The following ANO6 variants were observed in gnomAD, a reference collection of about 807,000 sequenced individuals.
ANO6 encodes the protein anoctamin 6.
In ANO6, 106 loss-of-function variants were observed where a neutral mutation model predicts 117.5. The observed-to-expected ratio is 0.90, with a 90% CI of 0.77 to 1.06. The LOEUF (loss-of-function observed/expected upper bound fraction) is 1.06. Ranked by LOEUF, ANO6 falls within the 50% of genes least tolerant of loss-of-function variation. ANO6 has a pLI of 0.00. For synonymous variants in ANO6, 367 were observed against 385.1 expected (o/e 0.95, Z 0.55); for missense variants, 955 against 1,121.1 (o/e 0.85, Z 2.12).
intron 2 of ANO6, among the ~76,000 whole-genome samples, chr12:45,317,113 G>GTGTGTGTATATATATATAAATATA: frequency 1.5e-5 from 1 of 66,448 alleles, no homozygotes; most frequent in African/African-American, 4.1e-5. Flanking sequence ...CTTTTTATAT[G>GTGTGTGTATATATATATAAATATA]TATATATATA....
chr12:45,310,863 C>G (rs1939826696), intron 2 of ANO6, among the ~76,000 whole-genome samples: 1 of 151,696 alleles, frequency 6.6e-6, no homozygotes, highest in Non-Finnish European at 1.5e-5. Flanking sequence ...GGCTAAATTC[C>G]CATAAATGGA....
intron 1 of ANO6, among the ~76,000 whole-genome samples, chr12:45,234,087 T>G (rs1947612282): frequency 6.6e-6 from 1 of 152,232 alleles, no homozygotes; most frequent in African/African-American, 2.4e-5. Context: ...GCTTTTGGTC[T>G]TAGTTATTTT....
At chr12:45,367,013 AC>A (rs1380861174) in intron 8 of ANO6, among the ~76,000 whole-genome samples, 1 of 151,954 alleles carries the variant, frequency 6.6e-6, no homozygotes, top group Non-Finnish European at 1.5e-5. Context: ...ACAGAGTCTC[AC>A]TCTGTCACCC....
chr12:45,350,797 C>T (rs1196555795), intron 7 of ANO6, 23 bp downstream of exon 7: 1 of 1,583,916 alleles, frequency 6.3e-7, no homozygotes, highest in Non-Finnish European at 8.7e-7. Context: ...AGGGAGTACT[C>T]CAGGGGGAGG....
chr12:45,244,255 G>A (rs1184237169), intron 1 of ANO6, among the ~76,000 whole-genome samples: 1 of 152,140 alleles, frequency 6.6e-6, no homozygotes, highest in Non-Finnish European at 1.5e-5. Flanking sequence ...TTATAGGAGA[G>A]TATCTGTTAG....
rs1942803033 is a variant in ANO6 at position 45,401,987 on chromosome 12, T to A, written c.1579T>A (p.Tyr527Asn). The change falls in exon 13 of 20, where the codon TAT (tyrosine) becomes AAT (asparagine). Residue 527 changes from tyrosine to asparagine, a missense_variant. Tyr to Asn is a moderately radical substitution (Grantham distance 143, BLOSUM62 -2). Transcript: ENST00000320560. The part of the protein sequence containing the change: ...FIIIMILNTI[Y>N]EKVAIMITNF... ...AATTATCATGATTCTGAACACCATA[T>A]ATGAAAAAGTGGCAATTATGATTAC... is the stretch of plus-strand genomic sequence containing the variant. 6 of 1,613,882 alleles carry A rather than the reference T, an allele frequency of 3.7e-6. No homozygotes were observed. Among genetic ancestry groups the A allele is most frequent in the Admixed American group, 3.3e-5 (2 of 59,996 alleles).
intron 1 of ANO6, among the ~76,000 whole-genome samples, chr12:45,298,316 A>G (rs1244508355): frequency 1.3e-5 from 2 of 152,244 alleles, no homozygotes; most frequent in Non-Finnish European, 2.9e-5. Context: ...TAAGAAAAAC[A>G]TGATTTATAT....
rs1459787123 is a variant in ANO6 at position 45,350,705 on chromosome 12, G to A, written c.794G>A (p.Arg265Gln). The A allele has an allele frequency of 3.7e-6, 6 of 1,613,724 alleles. No homozygotes were observed. The highest frequency in any genetic ancestry group is 2.2e-5 in the South Asian group (2 of 91,072). Residue 265 changes from arginine (R) to glutamine (Q), a missense_variant, in exon 7 of 20, where the codon CGG becomes CAG. Transcript: ENST00000320560. ...QSEDPSCPNE[R>Q]YLLYREWAHP... Reference sequence around the variant, plus strand: ...GAGGATCCCAGCTGCCCTAATGAACGGTACCTTCTGTACAGAGAATGGGCT... The same window carrying A: ...GAGGATCCCAGCTGCCCTAATGAACAGTACCTTCTGTACAGAGAATGGGCT...
At chr12:45,308,724 T>G (rs1356143440) in intron 2 of ANO6, among the ~76,000 whole-genome samples, 1 of 152,118 alleles carries the variant, frequency 6.6e-6, no homozygotes, top group Non-Finnish European at 1.5e-5. Flanking sequence ...GTTTTAGGAT[T>G]TCTGGGCTGT....
At chr12:45,413,224 G>A (rs1169169752) in intron 16 of ANO6, among the ~76,000 whole-genome samples, 1 of 152,174 alleles carries the variant, frequency 6.6e-6, no homozygotes, top group Non-Finnish European at 1.5e-5. Context: ...TGATTTAGGA[G>A]GCTACAGCAG....
chr12:45,255,819 T>G (rs374022653), intron 1 of ANO6, among the ~76,000 whole-genome samples: 16 of 4,196 alleles, frequency 3.8e-3, no homozygotes, highest in African/African-American at 4.8e-3. Context: ...TCCCTGGGTG[T>G]TTTTTTTTTT....
At chr12:45,356,253 A>G (rs1215574837) in intron 7 of ANO6, among the ~76,000 whole-genome samples, 2 of 152,168 alleles carry the variant, frequency 1.3e-5, no homozygotes, top group Non-Finnish European at 2.9e-5. Flanking sequence ...CCTCAATCAT[A>G]TGCATCCTTC....
chr12:45,346,975 C>T, intron 3 of ANO6, 47 bp from the exon 4 acceptor site: 1 of 1,589,854 alleles, frequency 6.3e-7, no homozygotes, highest in Non-Finnish European at 8.6e-7. Context: ...CTTTTTCTGC[C>T]TTTGGTAAAC....
At position 45,439,251 on chromosome 12, in the gene ANO6, C is replaced by A. The variant is rs1283717156; in HGVS notation, c.2527-424C>A. On this transcript the variant is annotated intron_variant, in intron 19 of 19. Coordinates refer to the ANO6 transcript ENST00000425752. Reference sequence around the variant, plus strand: ...AGTTACAGTAGCCTACTAGAGTGGGCTGATGCCAGCGCTTAATCACAGGTC... The same window carrying A: ...AGTTACAGTAGCCTACTAGAGTGGGATGATGCCAGCGCTTAATCACAGGTC... Among the ~76,000 whole-genome samples the A allele has an allele frequency of 3.3e-5, 5 of 152,148 alleles. 1 individual carries two copies. Among genetic ancestry groups the A allele is most frequent in the Non-Finnish European group, 7.3e-5 (5 of 68,042 alleles).
At chr12:45,357,225 A>G (rs1411619996) in intron 7 of ANO6, 65 bp from the exon 8 acceptor site, 3 of 1,558,182 alleles carry the variant, frequency 1.9e-6, no homozygotes, top group African/African-American at 2.7e-5. Context: ...TCAGAAATTA[A>G]TATTAGGATG....
At chr12:45,301,077 G>C (rs942021548) in intron 1 of ANO6, among the ~76,000 whole-genome samples, 14 of 152,182 alleles carry the variant, frequency 9.2e-5, no homozygotes, top group African/African-American at 3.1e-4. Context: ...AGTCTGAACT[G>C]AGATGCACTG....
At chr12:45,312,986 A>G (rs1305703950) in intron 2 of ANO6, among the ~76,000 whole-genome samples, 1 of 152,114 alleles carries the variant, frequency 6.6e-6, no homozygotes, top group South Asian at 2.1e-4. Context: ...TCCTTAAAAT[A>G]AAAACAAATA....
At chr12:45,419,545 G>A (rs1386742243) in intron 17 of ANO6, among the ~76,000 whole-genome samples, 1 of 152,140 alleles carries the variant, frequency 6.6e-6, no homozygotes, top group Non-Finnish European at 1.5e-5. Flanking sequence ...GGGAAATTTT[G>A]TAATAGAAAA....
intron 1 of ANO6, among the ~76,000 whole-genome samples, chr12:45,219,324 CTG>C (rs1947361871): frequency 6.6e-6 from 1 of 152,012 alleles, no homozygotes; most frequent in Non-Finnish European, 1.5e-5. Context: ...TTTTGAAACA[CTG>C]TATTTTTATT....
Sources: allele counts gnomAD v4.1 joint callset (sites outside exome capture counted in the v4.1 genomes callset), GRCh38; gene constraint gnomAD v4.1.1; transcripts MANE v1.5; gene names NCBI Gene and HGNC (gene_info 2026-07-23, HGNC 2026-07-21).